TMEM86A: variants seen among roughly 807,000 people sequenced by gnomAD.
TMEM86A encodes the protein lysoplasmalogenase TMEM86A.
TMEM86A carries 13 observed loss-of-function variants against 19.8 expected under a neutral mutation model. That is an observed-to-expected ratio of 0.66 (90% CI 0.43 to 1.04). TMEM86A has a LOEUF of 1.04. Among genes scored for constraint, TMEM86A ranks in the 50% least tolerant of loss-of-function variants. The pLI is 0.00. For synonymous variants in TMEM86A, 128 were observed against 129.9 expected (o/e 0.99, Z 0.10); for missense variants, 248 against 306.8 (o/e 0.81, Z 1.43).
At chr11:18,700,186 C>G (rs148736027) in intron 1 of TMEM86A, 1,915 of 152,470 alleles carry the variant, frequency 0.013, 16 homozygotes, top group Middle Eastern at 0.031. Flanking sequence ...ACCTCTCCCC[C>G]CTTTCCTGCC....
In TMEM86A at chr11:18,701,198, G is replaced by A. The variant is rs763693859; in HGVS notation, c.286+1G>A. 3.1e-6 allele frequency: 5 copies of A among 1,613,162 alleles called. No homozygotes were observed. In the South Asian group the frequency reaches 5.5e-5, roughly 18 times the overall value. ...CAGGACCAAGGATACTTCGTGCATG[G>A]TCAGTGGCCATAGTAGTTGCCTGGG... On this transcript the variant is annotated splice_donor_variant, in intron 2 of 2. Transcript: ENST00000280734. LOFTEE classifies it high-confidence loss of function. The surrounding 1 kb of genome is among the most constrained non-coding windows in gnomAD (Gnocchi z 5.3).
At position 18,702,019 on chromosome 11, in the gene TMEM86A, G is replaced by T. The variant is rs760734971; in HGVS notation, c.*10G>T. On this transcript the variant is annotated 3_prime_UTR_variant, in exon 3 of 3. Coordinates refer to ENST00000280734, the MANE Select transcript of TMEM86A (RefSeq NM_153347.3). The stretch of plus-strand genomic sequence containing the variant: ...GACCAAGGCCAACTGAGGTGCCAGG[G>T]TCTGGTCACCCCTCTCTCCTCCTGG... The T allele has an allele frequency of 1.9e-6, 3 of 1,601,428 alleles. No individual in the cohort carries two copies. In the South Asian group the frequency reaches 3.3e-5, roughly 18 times the overall value.
In TMEM86A at chr11:18,699,201, G is replaced by C. The variant is rs1037790797; in HGVS notation, c.21+294G>C. ...ATTTGGCGCGGGTCGGCGGGGTCGC[G>C]GCCCGGGAGAGGGAGGGGACCGCTG... On this transcript the variant is annotated intron_variant, in intron 1 of 2. Coordinates refer to ENST00000280734, the MANE Select transcript of TMEM86A (RefSeq NM_153347.3). The surrounding 1 kb of genome is among the most constrained non-coding windows in gnomAD (Gnocchi z 4.0). Among the ~76,000 whole-genome samples, 2 of 152,256 alleles carry C rather than the reference G, an allele frequency of 1.3e-5. No individual in the cohort carries two copies. The highest frequency in any genetic ancestry group is 6.5e-5 in the Admixed American group (1 of 15,290).
rs1434008209 is a variant in TMEM86A at position 18,703,312 on chromosome 11, G to A, written c.*1303G>A. ...ACTTCCCTGGTGTGGGTGAGGATGT[G>A]GTTTAGGAGGATGGGGGATGAGTGG... On this transcript the variant is annotated 3_prime_UTR_variant, in exon 3 of 3. Coordinates refer to ENST00000280734, the MANE Select transcript of TMEM86A (RefSeq NM_153347.3). 1 of 152,348 alleles carries A rather than the reference G, an allele frequency of 6.6e-6. No individual in the cohort carries two copies. The highest frequency in any genetic ancestry group is 1.5e-5 in the Non-Finnish European group (1 of 68,168). 9.4% of individuals were successfully genotyped at this position (152,348 alleles called of 1,614,324 possible).
chr11:18,698,956 C>A, intron 1 of TMEM86A, 49 bp downstream of exon 1: 1 of 523,572 alleles, frequency 1.9e-6, no homozygotes, highest in South Asian at 2.6e-5. Context: ...TGGAGCCCAC[C>A]GGCCTGGCCA....
Position 18,704,332 on chromosome 11 carries a change from GC to G in TMEM86A, c.*2327del. 1.5e-6 allele frequency: 1 copy of G among 665,286 alleles called. No homozygotes were observed. The highest frequency in any genetic ancestry group is 1.6e-5 in the South Asian group (1 of 61,034). 41.2% of individuals were successfully genotyped at this position (665,286 alleles called of 1,614,324 possible). A position where few individuals can be genotyped will look rare whatever the true frequency, so the allele number is the denominator to read the frequency against. On this transcript the variant is annotated 3_prime_UTR_variant, in exon 3 of 3. Coordinates refer to ENST00000280734, the MANE Select transcript of TMEM86A (RefSeq NM_153347.3). Reference sequence around the variant, plus strand: ...CGGGAAAGGATGAGTTACGTTTATTGCCCCATCCCTTCACTGAATGTTTACA... The same window carrying G: ...CGGGAAAGGATGAGTTACGTTTATTGCCCATCCCTTCACTGAATGTTTACA...
rs142350678 is a variant in TMEM86A, at chr11:18,701,791, G to A, written c.505G>A (p.Gly169Arg). 1.7e-5 allele frequency: 27 copies of A among 1,613,968 alleles called. No individual in the cohort carries two copies. The highest frequency in any genetic ancestry group is 1.6e-4 in the Middle Eastern group (1 of 6,084). ...AGCTATGGCAGGGCTGCGGCTGGCCGGGGCAGACTGGCGCTGGACAGAGCT... is the reference window on the plus strand; with the variant it reads ...AGCTATGGCAGGGCTGCGGCTGGCCAGGGCAGACTGGCGCTGGACAGAGCT... ...WRAMAGLRLA[G>R]ADWRWTELAA... The change falls in exon 3 of 3, where the codon GGG becomes AGG. Residue 169 changes from glycine to arginine, a missense_variant. Physicochemically the swap from Gly to Arg is moderately radical, Grantham distance 125. Transcript: ENST00000280734. This position sits in a 1 kb window ranked among gnomAD's most constrained non-coding sequence, Gnocchi z 5.3.
chr11:18,704,617 C>T lies in TMEM86A; in HGVS notation c.*2608C>T. The stretch of plus-strand genomic sequence containing the variant: ...ATTCCAAACTGCTGGACTTCCTATG[C>T]AGGAAACCAGGAGCTGGACCCTGGG... On this transcript the variant is annotated 3_prime_UTR_variant, in exon 3 of 3. Transcript: ENST00000280734. 1.1e-6 allele frequency: 1 copy of T among 890,136 alleles called. No homozygotes were observed. Among genetic ancestry groups the T allele is most frequent in the Non-Finnish European group, 1.8e-6 (1 of 555,836 alleles). 55.1% of individuals were successfully genotyped at this position (890,136 alleles called of 1,614,324 possible). A position where few individuals can be genotyped will look rare whatever the true frequency, so the allele number is the denominator to read the frequency against.
At position 18,701,727 on chromosome 11, in the gene TMEM86A, G is replaced by T. The variant is rs780915125; in HGVS notation, c.441G>T (p.Val147=). ...PCLSGAFTYL[V]GVYVALIGFM... ...TCTCAGGTGCCTTCACCTACCTGGTGGGGGTCTATGTGGCCCTTATCGGCT... is the reference window on the plus strand; with the variant it reads ...TCTCAGGTGCCTTCACCTACCTGGTTGGGGTCTATGTGGCCCTTATCGGCT... Residue 147 remains valine, a synonymous_variant, in exon 3 of 3, where the codon GTG becomes GTT. Coordinates refer to ENST00000280734, the MANE Select transcript of TMEM86A (RefSeq NM_153347.3). This position sits in a 1 kb window ranked among gnomAD's most constrained non-coding sequence, Gnocchi z 5.3. 2.5e-6 allele frequency: 4 copies of T among 1,614,148 alleles called. No homozygotes were observed. In the South Asian group the frequency reaches 3.3e-5, roughly 13 times the overall value.
At position 18,702,442 on chromosome 11, in the gene TMEM86A, G is replaced by A. The variant is rs929608659; in HGVS notation, c.*433G>A. ...TCATCTGCACAAAGTTGAGGGAAAC[G>A]GGAGAATCTGTGCTGAGAAGACTCA... On this transcript the variant is annotated 3_prime_UTR_variant, in exon 3 of 3. Transcript: ENST00000280734. 4.8e-6 allele frequency: 1 copy of A among 210,430 alleles called. No individual in the cohort carries two copies. The highest frequency in any genetic ancestry group is 5.2e-5 in the Admixed American group (1 of 19,380). The allele number at this position is 210,430 out of a possible 1,614,324, so 13.0% of individuals were successfully genotyped here. A position where few individuals can be genotyped will look rare whatever the true frequency, so the allele number is the denominator to read the frequency against.
chr11:18,702,018 G>T lies in TMEM86A; in HGVS notation c.*9G>T. 1 of 1,601,560 alleles carries T rather than the reference G, an allele frequency of 6.2e-7. No homozygotes were observed. Among genetic ancestry groups the T allele is most frequent in the South Asian group, 1.1e-5 (1 of 91,036 alleles). On this transcript the variant is annotated 3_prime_UTR_variant, in exon 3 of 3. Transcript: ENST00000280734. ...TGACCAAGGCCAACTGAGGTGCCAGGGTCTGGTCACCCCTCTCTCCTCCTG... is the reference window on the plus strand; with the variant it reads ...TGACCAAGGCCAACTGAGGTGCCAGTGTCTGGTCACCCCTCTCTCCTCCTG...
Position 18,703,959 on chromosome 11 carries a change from G to C in TMEM86A, c.*1950G>C, listed in dbSNP as rs1848175141. ...CGTAAGTTTGAAACTTAGTGAGCTG[G>C]ATGATCAATCCCTTCTAGCTCTGAA... On this transcript the variant is annotated 3_prime_UTR_variant, in exon 3 of 3. Coordinates refer to ENST00000280734, the MANE Select transcript of TMEM86A (RefSeq NM_153347.3). 6.6e-6 allele frequency: 1 copy of C among 152,494 alleles called. No individual in the cohort carries two copies. The highest frequency in any genetic ancestry group is 2.4e-5 in the African/African-American group (1 of 41,438). 9.4% of individuals were successfully genotyped at this position (152,494 alleles called of 1,614,324 possible). A position where few individuals can be genotyped will look rare whatever the true frequency, so the allele number is the denominator to read the frequency against.
chr11:18,700,729 C>G (rs1848141700), intron 1 of TMEM86A: 3 of 652,128 alleles, frequency 4.6e-6, no homozygotes, highest in African/African-American at 3.7e-5. Flanking sequence ...TATACTGAGC[C>G]TCAGGGCAGT....
intron 1 of TMEM86A, chr11:18,700,614 G>C (rs569335757): frequency 6.9e-6 from 3 of 435,886 alleles, no homozygotes; most frequent in South Asian, 5.9e-5. Context: ...GAACAGCTGG[G>C]GGCTGTTGCT....
Position 18,704,633 on chromosome 11 carries a change from G to T in TMEM86A, c.*2624G>T, listed in dbSNP as rs368378451. ...CTTCCTATGCAGGAAACCAGGAGCT[G>T]GACCCTGGGACCCTTAATCTTGGGT... On this transcript the variant is annotated 3_prime_UTR_variant, in exon 3 of 3. Transcript: ENST00000280734. The T allele has an allele frequency of 1.1e-5, 8 of 756,340 alleles. No homozygotes were observed. Among genetic ancestry groups the T allele is most frequent in the Non-Finnish European group, 1.8e-5 (8 of 440,494 alleles). 46.9% of individuals were successfully genotyped at this position (756,340 alleles called of 1,614,324 possible).
In TMEM86A at chr11:18,701,902, C is replaced by T. The variant is rs117231481; in HGVS notation, c.616C>T (p.Arg206Trp). ...NKFCFPVPYS[R>W]ALIMSTYYVA... is the part of the protein sequence containing the mutation. The stretch of plus-strand genomic sequence containing the variant: ...ATTCTGTTTTCCTGTGCCCTACTCT[C>T]GGGCGCTTATCATGTCCACCTACTA... The change falls in exon 3 of 3, where the codon CGG becomes TGG. Residue 206 changes from arginine to tryptophan, a missense_variant. By Grantham distance (101) the Arg-to-Trp change is moderately radical (BLOSUM62 -3). Coordinates refer to ENST00000280734, the MANE Select transcript of TMEM86A (RefSeq NM_153347.3). The surrounding 1 kb of genome is among the most constrained non-coding windows in gnomAD (Gnocchi z 5.3). The T allele has an allele frequency of 3.0e-5, 49 of 1,613,980 alleles. No homozygotes were observed. The highest frequency in any genetic ancestry group is 3.9e-5 in the Non-Finnish European group (46 of 1,180,050).
chr11:18,701,608 G>A lies in TMEM86A; in HGVS notation c.322G>A (p.Ala108Thr), dbSNP rs781427046. 7 of 1,578,564 alleles carry A rather than the reference G, an allele frequency of 4.4e-6. No homozygotes were observed. The highest frequency in any genetic ancestry group is 4.1e-5 in the African/African-American group (3 of 74,042). ...GTTTGCTGTGACCCACATGTTCTAC[G>A]CCTCGGCCTTTGGCATGCAGCCACT... is the stretch of plus-strand genomic sequence containing the variant. ...LMFAVTHMFY[A>T]SAFGMQPLAL... is the part of the protein sequence containing the mutation. The change falls in exon 3 of 3, where the codon GCC becomes ACC. Residue 108 changes from alanine to threonine, a missense_variant. Transcript: ENST00000280734. The surrounding 1 kb of genome is among the most constrained non-coding windows in gnomAD (Gnocchi z 5.3).
Position 18,701,333 on chromosome 11 carries a change from C to A in TMEM86A, c.286+136C>A. On this transcript the variant is annotated intron_variant, in intron 2 of 2. Coordinates refer to ENST00000280734, the MANE Select transcript of TMEM86A (RefSeq NM_153347.3). This position sits in a 1 kb window ranked among gnomAD's most constrained non-coding sequence, Gnocchi z 5.3. Reference sequence around the variant, plus strand: ...GCCTGAGGGTTTCTGAGGCCAGGGACTGTGAGGGTCCTTGTTAGGGGATGA... The same window carrying A: ...GCCTGAGGGTTTCTGAGGCCAGGGAATGTGAGGGTCCTTGTTAGGGGATGA... 8.0e-7 allele frequency: 1 copy of A among 1,254,924 alleles called. No individual in the cohort carries two copies. Among genetic ancestry groups the A allele is most frequent in the Non-Finnish European group, 1.1e-6 (1 of 914,048 alleles). 77.7% of individuals were successfully genotyped at this position (1,254,924 alleles called of 1,614,324 possible).
chr11:18,698,916 G>A lies in TMEM86A; in HGVS notation c.21+9G>A, dbSNP rs1848125816. 1.5e-6 allele frequency: 1 copy of A among 648,170 alleles called. No homozygotes were observed. The highest frequency in any genetic ancestry group is 1.7e-5 in the South Asian group (1 of 60,446). 40.2% of individuals were successfully genotyped at this position (648,170 alleles called of 1,614,324 possible). On this transcript the variant is annotated intron_variant, in intron 1 of 2. Transcript: ENST00000280734. The stretch of plus-strand genomic sequence containing the variant: ...TGTCCCCGGTCACTGTGGTGAGTGA[G>A]CGAGCGAGCGAGCCAGTGCCCGGCG...
Sources: allele counts gnomAD v4.1 joint callset (sites outside exome capture counted in the v4.1 genomes callset), GRCh38; gene constraint gnomAD v4.1.1; non-coding constraint Gnocchi (gnomAD v3.1); transcripts MANE v1.5; gene names NCBI Gene and HGNC (gene_info 2026-07-23, HGNC 2026-07-21).